DNAJC8: variants seen among roughly 807,000 people sequenced by gnomAD.
The protein encoded by DNAJC8 is dnaJ homolog subfamily C member 8.
Under a neutral mutation model 43.2 loss-of-function variants are expected in DNAJC8, and 24 were observed. That is an observed-to-expected ratio of 0.56 (90% CI 0.40 to 0.78). The LOEUF is 0.78. Ranked by LOEUF, DNAJC8 falls within the 30% of genes least tolerant of loss-of-function variation. The probability of loss-of-function intolerance (pLI) is 0.00; values close to 1 mark genes in which losing one functional copy is unlikely to be tolerated. For missense variants in DNAJC8, 207 were observed against 299.4 expected (o/e 0.69, Z 2.28); for synonymous variants, 83 against 98.0 (o/e 0.85, Z 0.90).
At chr1:28,229,876 A>C (rs978281415) in intron 1 of DNAJC8, among the ~76,000 whole-genome samples, 1 of 152,192 alleles carries the variant, frequency 6.6e-6, no homozygotes, top group Non-Finnish European at 1.5e-5. Context: ...AGTAAGACAT[A>C]AACTATGAGC....
intron 2 of DNAJC8, among the ~76,000 whole-genome samples, chr1:28,215,540 A>ATT (rs547746869): frequency 2.8e-5 from 4 of 143,542 alleles, no homozygotes; most frequent in Non-Finnish European, 4.6e-5. Flanking sequence ...GAACAACTCT[A>ATT]TTTTTTTTTT....
intron 2 of DNAJC8, among the ~76,000 whole-genome samples, chr1:28,215,273 T>C (rs1183119151): frequency 6.6e-6 from 1 of 152,204 alleles, no homozygotes; most frequent in Non-Finnish European, 1.5e-5. Flanking sequence ...CATTTTTACA[T>C]GAGAAAATTT....
At chr1:28,205,550 G>A (rs551003579) in intron 6 of DNAJC8, among the ~76,000 whole-genome samples, 2 of 152,222 alleles carry the variant, frequency 1.3e-5, no homozygotes, top group East Asian at 3.9e-4. Context: ...TGACTGCCCT[G>A]GCAACATAGT....
At chr1:28,226,060 GT>G (rs1646932025) in intron 2 of DNAJC8, among the ~76,000 whole-genome samples, 1 of 151,108 alleles carries the variant, frequency 6.6e-6, no homozygotes, top group Non-Finnish European at 1.5e-5. Context: ...AGTGAGGGGA[GT>G]TTTTTTCTAA....
chr1:28,201,454 T>C lies in DNAJC8; in HGVS notation c.640-84A>G, dbSNP rs762169726. The C allele has an allele frequency of 1.2e-4, 189 of 1,587,076 alleles. No homozygotes were observed. The South Asian group carries it at 1.3e-3, about 11-fold the overall frequency. ...CTGGTCTGCCATCCACTCACCCTCC[T>C]GTAGCCCAGCCCACTTCAGTCCTCT... On this transcript the variant is annotated intron_variant, in intron 8 of 8. Transcript: ENST00000263697.
At chr1:28,212,053 C>T (rs1056011071) in intron 3 of DNAJC8, among the ~76,000 whole-genome samples, 5 of 150,262 alleles carry the variant, frequency 3.3e-5, no homozygotes, top group African/African-American at 7.3e-5. Context: ...CTACTCAGGA[C>T]GCTGAGGCAA....
At chr1:28,224,058 T>C (rs1646917201) in intron 2 of DNAJC8, among the ~76,000 whole-genome samples, 1 of 152,136 alleles carries the variant, frequency 6.6e-6, no homozygotes, top group Non-Finnish European at 1.5e-5. Flanking sequence ...GGAGCTAGAT[T>C]GAAAGGTAAC....
intron 2 of DNAJC8, among the ~76,000 whole-genome samples, chr1:28,221,591 G>A (rs1646898786): frequency 2.6e-5 from 4 of 152,080 alleles, no homozygotes; most frequent in South Asian, 4.1e-4. Context: ...CATCCATCAG[G>A]TCCCCACAGG....
intron 6 of DNAJC8, among the ~76,000 whole-genome samples, chr1:28,205,912 G>A (rs1267333436): frequency 3.3e-5 from 5 of 152,010 alleles, no homozygotes; most frequent in African/African-American, 7.3e-5. Flanking sequence ...AGCGGGGCAT[G>A]GTGGTGCACA....
chr1:28,213,834 G>A (rs1157305024), intron 3 of DNAJC8, among the ~76,000 whole-genome samples: 1 of 151,976 alleles, frequency 6.6e-6, no homozygotes, highest in Non-Finnish European at 1.5e-5. Flanking sequence ...TGGGCAACAT[G>A]GCGAAACTCT....
intron 3 of DNAJC8, among the ~76,000 whole-genome samples, chr1:28,214,316 C>T (rs944805928): frequency 1.3e-5 from 2 of 152,024 alleles, no homozygotes; most frequent in African/African-American, 4.8e-5. Flanking sequence ...AGGTAGATCA[C>T]TTGAGGTCAG....
intron 3 of DNAJC8, among the ~76,000 whole-genome samples, chr1:28,211,012 A>C (rs1455721808): frequency 1.3e-5 from 2 of 152,144 alleles, no homozygotes; most frequent in Non-Finnish European, 2.9e-5. Flanking sequence ...TCTACAAAAA[A>C]AAAATTTTTT....
In DNAJC8 at chr1:28,210,656, T is replaced by C; in HGVS notation, c.238-19A>G. The C allele has an allele frequency of 1.2e-6, 2 of 1,610,580 alleles. No individual in the cohort carries two copies. Among genetic ancestry groups the C allele is most frequent in the South Asian group, 1.1e-5 (1 of 90,930 alleles). On this transcript the variant is annotated intron_variant, in intron 3 of 8. Coordinates refer to ENST00000263697, the MANE Select transcript of DNAJC8 (RefSeq NM_014280.3). Reference sequence around the variant, plus strand: ...TGGATAACTACAATAAGAGAAAAGTTGGGGTTGTCAATAAGGGAAACATTT... The same window carrying C: ...TGGATAACTACAATAAGAGAAAAGTCGGGGTTGTCAATAAGGGAAACATTT...
rs1646785131 is a variant in DNAJC8 at position 28,208,334 on chromosome 1, T to G, written c.471+8A>C. The G allele has an allele frequency of 1.2e-6, 2 of 1,610,418 alleles. No individual in the cohort carries two copies. Among genetic ancestry groups the G allele is most frequent in the Non-Finnish European group, 1.7e-6 (2 of 1,178,084 alleles). Reference sequence around the variant, plus strand: ...AAGATACAGTGGCTTTTCCTATATTTAACTCACCAGCTCAGGATCATCCTC... The same window carrying G: ...AAGATACAGTGGCTTTTCCTATATTGAACTCACCAGCTCAGGATCATCCTC... On this transcript the variant is annotated splice_region_variant and intron_variant, in intron 6 of 8. Coordinates refer to ENST00000263697, the MANE Select transcript of DNAJC8 (RefSeq NM_014280.3).
chr1:28,226,256 G>A (rs1321501111), intron 2 of DNAJC8, among the ~76,000 whole-genome samples: 5 of 150,856 alleles, frequency 3.3e-5, no homozygotes, highest in South Asian at 2.1e-4. Flanking sequence ...CTGTAATCAC[G>A]GCACTTTGAG....
At chr1:28,217,092 G>T (rs889821500) in intron 2 of DNAJC8, among the ~76,000 whole-genome samples, 4 of 151,628 alleles carry the variant, frequency 2.6e-5, no homozygotes, top group African/African-American at 9.7e-5. Flanking sequence ...ACAGGTGTGA[G>T]CCACCGCGCC....
chr1:28,230,369 T>C (rs749628062), intron 1 of DNAJC8: 12 of 152,210 alleles, frequency 7.9e-5, no homozygotes, highest in Non-Finnish European at 1.3e-4. Context: ...TTCACTACCG[T>C]ATCCTCAACA....
In DNAJC8 at chr1:28,212,168, A is replaced by AATAAATAT. The variant is rs35950985; in HGVS notation, c.238-1532_238-1531insATATTTAT. 9.6e-3 allele frequency among the ~76,000 whole-genome samples: 295 copies of AATAAATAT among 30,682 alleles called. 1 individual carries two copies. The highest frequency in any genetic ancestry group is 0.014 in the Non-Finnish European group (195 of 14,046). 20.1% of individuals were successfully genotyped at this position (30,682 alleles called of 152,430 possible). A position where few individuals can be genotyped will look rare whatever the true frequency, so the allele number is the denominator to read the frequency against. Reference sequence around the variant, plus strand: ...CGGACTCCGTCTCAATAAATAAATAAATATATATATATATATATATATATA... The same window carrying AATAAATAT: ...CGGACTCCGTCTCAATAAATAAATAAATAAATATATATATATATATATATATATATATA... On this transcript the variant is annotated intron_variant, in intron 3 of 8. Coordinates refer to ENST00000263697, the MANE Select transcript of DNAJC8 (RefSeq NM_014280.3).
chr1:28,222,194 A>C (rs539700), intron 2 of DNAJC8, among the ~76,000 whole-genome samples: 53,601 of 151,914 alleles, frequency 0.35, 10,672 homozygotes, highest in African/African-American at 0.54. Flanking sequence ...GTATTTAAAA[A>C]CAATGAACTG....
Sources: allele counts gnomAD v4.1 joint callset (sites outside exome capture counted in the v4.1 genomes callset), GRCh38; gene constraint gnomAD v4.1.1; transcripts MANE v1.5; gene names NCBI Gene and HGNC (gene_info 2026-07-23, HGNC 2026-07-21).